The following SCNN1B variants were observed in gnomAD, a reference collection of about 807,000 sequenced individuals.
The protein encoded by SCNN1B is epithelial sodium channel subunit beta.
A neutral mutation model predicts 65.3 loss-of-function variants in SCNN1B; 46 were observed. The ratio of observed to expected loss-of-function variants is 0.70; its 90% CI spans 0.56 to 0.90. SCNN1B has a LOEUF of 0.90. Among genes scored for constraint, SCNN1B ranks in the 40% least tolerant of loss-of-function variants. The probability of loss-of-function intolerance (pLI) is 0.00; values close to 1 mark genes in which losing one functional copy is unlikely to be tolerated. For missense variants in SCNN1B, 751 were observed against 830.5 expected (o/e 0.90, Z 1.18); for synonymous variants, 349 against 330.6 (o/e 1.06, Z -0.60).
chr16:23,305,982 C>A lies in SCNN1B; in HGVS notation c.-9+3545C>A, dbSNP rs1205269588. On this transcript the variant is annotated intron_variant, in intron 1 of 12. Transcript: ENST00000343070. ...TTCAGGCCAGGCGCAGTGGCTCACG[C>A]CTGTAATCCCAACACTTTGGGAGGC... Among the ~76,000 whole-genome samples, 57 of 152,142 alleles carry A rather than the reference C, an allele frequency of 3.7e-4. 1 individual carries two copies. The highest frequency in any genetic ancestry group is 3.7e-3 in the Admixed American group (57 of 15,270).
At chr16:23,368,098 TCTA>T in intron 5 of SCNN1B, 139 bp downstream of exon 5, 1 of 775,656 alleles carries the variant, frequency 1.3e-6, no homozygotes, top group East Asian at 2.6e-5. Context: ...CTACCGAGGC[TCTA>T]CTGTGTGCCA....
intron 1 of SCNN1B, among the ~76,000 whole-genome samples, chr16:23,323,197 T>C (rs1021620837): frequency 1.3e-5 from 2 of 149,650 alleles, no homozygotes; most frequent in Admixed American, 6.6e-5. Flanking sequence ...AAACTCCATC[T>C]CAATAAAAAA....
intron 4 of SCNN1B, among the ~76,000 whole-genome samples, chr16:23,363,703 A>G (rs1243231034): frequency 1.3e-5 from 2 of 151,976 alleles, no homozygotes; most frequent in Non-Finnish European, 2.9e-5. Context: ...AGTCCCAGCT[A>G]CTCAGGAGGC....
At chr16:23,375,969 G>C in intron 8 of SCNN1B, 114 bp downstream of exon 8, 1 of 768,182 alleles carries the variant, frequency 1.3e-6, no homozygotes, top group Admixed American at 1.9e-5. Flanking sequence ...ATGTGCCCAG[G>C]GTGGCTCCTC....
At chr16:23,323,030 C>CAA (rs111533667) in intron 1 of SCNN1B, among the ~76,000 whole-genome samples, 7 of 132,962 alleles carry the variant, frequency 5.3e-5, no homozygotes, top group African/African-American at 1.6e-4. Flanking sequence ...ACTAAAAATA[C>CAA]AAAAAAAAAA....
intron 2 of SCNN1B, among the ~76,000 whole-genome samples, chr16:23,284,011 C>T (rs1435372732): frequency 6.6e-6 from 1 of 152,208 alleles, no homozygotes; most frequent in Non-Finnish European, 1.5e-5. Context: ...CCCCTTGTCC[C>T]ACCATCCAAT....
intron 1 of SCNN1B, among the ~76,000 whole-genome samples, chr16:23,344,549 G>GTAGTTGCTATTA (rs1962144842): frequency 6.6e-6 from 1 of 152,224 alleles, no homozygotes; most frequent in South Asian, 2.1e-4. Context: ...TGTTGCTCTT[G>GTAGTTGCTATTA]TAGTTGCTAT....
intron 1 of SCNN1B, among the ~76,000 whole-genome samples, chr16:23,283,477 T>C (rs953050689): frequency 4.6e-5 from 7 of 152,188 alleles, no homozygotes; most frequent in Admixed American, 4.6e-4. Context: ...AAGCCTAATT[T>C]ATAAGAAGGT....
chr16:23,374,657 C>G (rs1369329478), intron 7 of SCNN1B, among the ~76,000 whole-genome samples: 2 of 151,082 alleles, frequency 1.3e-5, no homozygotes, highest in Non-Finnish European at 2.9e-5. Context: ...GCCGTTTAAT[C>G]TGCCTTCCAG....
At chr16:23,360,943 C>T (rs894856394) in intron 4 of SCNN1B, among the ~76,000 whole-genome samples, 10 of 152,058 alleles carry the variant, frequency 6.6e-5, no homozygotes, top group Admixed American at 1.3e-4. Context: ...TACAGGCAGC[C>T]GCCACCACAA....
At chr16:23,332,054 G>C (rs895692228) in intron 1 of SCNN1B, among the ~76,000 whole-genome samples, 2 of 152,016 alleles carry the variant, frequency 1.3e-5, no homozygotes, top group African/African-American at 4.8e-5. Context: ...TTAGAGACAG[G>C]GTCCTGCTCT....
At chr16:23,314,031 G>A (rs573292493) in intron 1 of SCNN1B, among the ~76,000 whole-genome samples, 5 of 152,034 alleles carry the variant, frequency 3.3e-5, no homozygotes, top group African/African-American at 1.2e-4. Context: ...CATTTTCCTT[G>A]TTTGTTGAGA....
chr16:23,313,943 A>G (rs1332886265), intron 1 of SCNN1B, among the ~76,000 whole-genome samples: 9 of 152,278 alleles, frequency 5.9e-5, no homozygotes, highest in African/African-American at 2.2e-4. Context: ...CATGCCAGGC[A>G]TGTGCATTCT....
At chr16:23,378,826 C>A in intron 11 of SCNN1B, 59 bp downstream of exon 11, 1 of 1,527,926 alleles carries the variant, frequency 6.5e-7, no homozygotes, top group Non-Finnish European at 9.1e-7. Flanking sequence ...AAACTCGGGG[C>A]AGGAGTTTGG....
Position 23,379,998 on chromosome 16 carries a change from G to A in SCNN1B, c.1467-96G>A, listed in dbSNP as rs184487776. ...TGTGCATACATGTGGGTGTGTGCAC[G>A]TGCATGTGTGTGCATGTGTCTATGT... On this transcript the variant is annotated intron_variant, in intron 11 of 12. Transcript: ENST00000343070. 157 of 897,684 alleles carry A rather than the reference G, an allele frequency of 1.7e-4. 1 individual carries two copies. Among genetic ancestry groups the A allele is most frequent in the African/African-American group, 1.5e-3 (94 of 61,386 alleles). 55.6% of individuals were successfully genotyped at this position (897,684 alleles called of 1,614,324 possible).
chr16:23,364,692 C>G (rs1962613500), intron 4 of SCNN1B, among the ~76,000 whole-genome samples: 1 of 152,154 alleles, frequency 6.6e-6, no homozygotes, highest in African/African-American at 2.4e-5. Context: ...GGTGGACAGA[C>G]TAAAGTCACA....
rs1174081249 is a variant in SCNN1B, at chr16:23,378,731, A to G, written c.1430A>G (p.Gln477Arg). The change falls in exon 11 of 13, where the codon CAG (glutamine) becomes CGG (arginine). Residue 477 changes from glutamine (Q) to arginine (R), a missense_variant. Physicochemically the swap from Gln to Arg is conservative, Grantham distance 43. Coordinates refer to ENST00000343070, the MANE Select transcript of SCNN1B (RefSeq NM_000336.3). ...GACTGGATTTTCCACGTCTTGTCTCAGGAGCGGGACCAAAGCACCAATATC... is the reference window on the plus strand; with the variant it reads ...GACTGGATTTTCCACGTCTTGTCTCGGGAGCGGGACCAAAGCACCAATATC... ...SEDWIFHVLS[Q>R]ERDQSTNITL... 6.2e-7 allele frequency: 1 copy of G among 1,614,032 alleles called. No individual in the cohort carries two copies. Among genetic ancestry groups the G allele is most frequent in the Non-Finnish European group, 8.5e-7 (1 of 1,180,030 alleles).
At chr16:23,301,896 C>T (rs72652269), upstream of SCNN1B, among the ~76,000 whole-genome samples, 224 of 152,258 alleles carry the variant, frequency 1.5e-3, 1 homozygote, top group African/African-American at 5.2e-3. Context: ...ACTGTGTCTG[C>T]AGGGGTGTGG....
At chr16:23,319,716 G>C (rs1306572925) in intron 1 of SCNN1B, among the ~76,000 whole-genome samples, 10 of 152,066 alleles carry the variant, frequency 6.6e-5, no homozygotes, top group Admixed American at 5.2e-4. Flanking sequence ...CTCTAGCTTT[G>C]TGGCTCCCAA....
Sources: allele counts gnomAD v4.1 joint callset (sites outside exome capture counted in the v4.1 genomes callset), GRCh38; gene constraint gnomAD v4.1.1; transcripts MANE v1.5; gene names NCBI Gene and HGNC (gene_info 2026-07-23, HGNC 2026-07-21).